Variants in ELFN2 observed in about 807,000 individuals in gnomAD.
ELFN2 encodes the protein extracellular leucine rich repeat and fibronectin type III domain containing 2.
In ELFN2, 17 loss-of-function variants were observed where a neutral mutation model predicts 45.5. The ratio of observed to expected loss-of-function variants is 0.37; its 90% CI spans 0.26 to 0.56. The LOEUF is 0.56. Ranked by LOEUF, ELFN2 falls within the 20% of genes least tolerant of loss-of-function variation. ELFN2 has a pLI of 0.77. For synonymous variants in ELFN2, 550 were observed against 551.5 expected (o/e 1.00, Z 0.04); for missense variants, 922 against 1,183.2 (o/e 0.78, Z 3.24).
Position 37,374,660 on chromosome 22 carries a change from T to C in ELFN2, c.875A>G (p.Asp292Gly), listed in dbSNP as rs1931510536. ...SVEPPASSTT[D>G]ASAGPAIKLH... ...CTTGATGGCTGGCCCTGCCGACGCA[T>C]CCGTGGTGGACGAGGCCGGCGGCTC... Residue 292 changes from aspartate (D) to glycine (G), a missense_variant, in exon 3 of 3, where the codon GAT becomes GGT. Coordinates refer to ENST00000402918, the MANE Select transcript of ELFN2 (RefSeq NM_052906.5). 1 of 1,612,532 alleles carries C rather than the reference T, an allele frequency of 6.2e-7. No individual in the cohort carries two copies. The highest frequency in any genetic ancestry group is 1.3e-5 in the African/African-American group (1 of 74,892).
At chr22:37,412,245 T>C (rs1384223524) in intron 2 of ELFN2, among the ~76,000 whole-genome samples, 1 of 121,940 alleles carries the variant, frequency 8.2e-6, no homozygotes, top group South Asian at 2.5e-4. Flanking sequence ...CAGCTTTCTC[T>C]CCAGCCTGGG....
intron 2 of ELFN2, among the ~76,000 whole-genome samples, chr22:37,405,283 G>C (rs966508368): frequency 6.6e-6 from 1 of 151,876 alleles, no homozygotes; most frequent in Admixed American, 6.6e-5. Context: ...AGTAGAGAGG[G>C]GGTTTCGCCA....
At chr22:37,411,197 C>G (rs1205373110) in intron 2 of ELFN2, among the ~76,000 whole-genome samples, 22 of 152,216 alleles carry the variant, frequency 1.4e-4, no homozygotes, top group Admixed American at 1.4e-3. Context: ...ACAGCTGGGC[C>G]CATGGGCCTG....
chr22:37,387,070 A>G (rs574577260), intron 2 of ELFN2, among the ~76,000 whole-genome samples: 3 of 152,324 alleles, frequency 2.0e-5, no homozygotes, highest in Non-Finnish European at 2.9e-5. Context: ...GGCACACGCC[A>G]GGCAGGCAGG....
chr22:37,413,690 T>C (rs1330813388), intron 2 of ELFN2, among the ~76,000 whole-genome samples: 4 of 151,998 alleles, frequency 2.6e-5, no homozygotes, highest in Non-Finnish European at 5.9e-5. Flanking sequence ...CCAGATATTA[T>C]CCCCATTTTA....
intron 1 of ELFN2, among the ~76,000 whole-genome samples, chr22:37,422,058 G>A (rs1312702548): frequency 6.6e-6 from 1 of 152,208 alleles, no homozygotes; most frequent in African/African-American, 2.4e-5. Context: ...CCTGAGAGAG[G>A]TGGTGACCAG....
intron 2 of ELFN2, chr22:37,384,950 C>G (rs1211671908): frequency 6.6e-6 from 1 of 152,152 alleles, no homozygotes; most frequent in African/African-American, 2.4e-5. Context: ...TTATGGAGCA[C>G]CTACTATGTA....
At chr22:37,377,910 CCTCT>C (rs1931627803) in intron 2 of ELFN2, among the ~76,000 whole-genome samples, 1 of 152,238 alleles carries the variant, frequency 6.6e-6, no homozygotes, top group Non-Finnish European at 1.5e-5. Flanking sequence ...CAGTTCTACC[CCTCT>C]CTGAGCCTCA....
intron 2 of ELFN2, among the ~76,000 whole-genome samples, chr22:37,388,071 GTCTC>G (rs974784858): frequency 2.6e-5 from 4 of 151,598 alleles, no homozygotes; most frequent in African/African-American, 9.7e-5. Flanking sequence ...GCTCCTGCTG[GTCTC>G]TCTACCTCCA....
chr22:37,347,201 A>G (rs2145610043), intron 1 of ELFN2, among the ~76,000 whole-genome samples: 2 of 151,716 alleles, frequency 1.3e-5, no homozygotes, highest in East Asian at 3.9e-4. Flanking sequence ...CTGGTCTCGA[A>G]CTCCTGACCT....
At chr22:37,379,675 G>A (rs1480834084) in intron 2 of ELFN2, among the ~76,000 whole-genome samples, 1 of 152,220 alleles carries the variant, frequency 6.6e-6, no homozygotes, top group Non-Finnish European at 1.5e-5. Flanking sequence ...TGGGCAGAGA[G>A]GAGAGTCAGT....
At chr22:37,405,341 C>T (rs979055969) in intron 2 of ELFN2, among the ~76,000 whole-genome samples, 1 of 152,054 alleles carries the variant, frequency 6.6e-6, no homozygotes, top group African/African-American at 2.4e-5. Context: ...GATCCACCCA[C>T]CTCGGCCTCC....
At chr22:37,382,286 T>C (rs551715902) in intron 2 of ELFN2, among the ~76,000 whole-genome samples, 1 of 108,742 alleles carries the variant, frequency 9.2e-6, no homozygotes, top group Non-Finnish European at 1.9e-5. Context: ...CTAAAGCTAC[T>C]GGTTCTCCTT....
At chr22:37,396,535 G>A (rs1932216223) in intron 2 of ELFN2, among the ~76,000 whole-genome samples, 1 of 152,168 alleles carries the variant, frequency 6.6e-6, no homozygotes, top group Non-Finnish European at 1.5e-5. Context: ...GGTCAGAGCT[G>A]GCAGATCCCT....
intron 2 of ELFN2, among the ~76,000 whole-genome samples, chr22:37,405,274 G>A (rs1331852988): frequency 6.6e-6 from 1 of 151,936 alleles, no homozygotes; most frequent in Admixed American, 6.6e-5. Context: ...TGTATTTTTA[G>A]TAGAGAGGGG....
intron 2 of ELFN2, among the ~76,000 whole-genome samples, chr22:37,408,571 C>T (rs571836789): frequency 4.6e-5 from 7 of 152,348 alleles, no homozygotes; most frequent in African/African-American, 1.7e-4. Context: ...CAAACTGCCA[C>T]CCCTACCATA....
intron 2 of ELFN2, among the ~76,000 whole-genome samples, chr22:37,401,717 C>G (rs566877027): frequency 1.3e-5 from 2 of 152,190 alleles, no homozygotes; most frequent in Admixed American, 6.5e-5. Flanking sequence ...CAAGCCGGCC[C>G]GGCAGCCCTC....
At chr22:37,386,735 C>A (rs1056741212) in intron 2 of ELFN2, among the ~76,000 whole-genome samples, 1 of 152,186 alleles carries the variant, frequency 6.6e-6, no homozygotes, top group Non-Finnish European at 1.5e-5. Context: ...GAAACCACAG[C>A]CCAAACGTGA....
chr22:37,409,374 C>T (rs1053908964), intron 2 of ELFN2, among the ~76,000 whole-genome samples: 5 of 152,166 alleles, frequency 3.3e-5, no homozygotes, highest in African/African-American at 1.2e-4. Context: ...CAGGGAACAG[C>T]GTGGTCTCCC....
Sources: allele counts gnomAD v4.1 joint callset (sites outside exome capture counted in the v4.1 genomes callset), GRCh38; gene constraint gnomAD v4.1.1; transcripts MANE v1.5; gene names NCBI Gene and HGNC (gene_info 2026-07-23, HGNC 2026-07-21).